Variants in SNTG1 observed in about 807,000 individuals in gnomAD.
The protein encoded by SNTG1 is gamma-1-syntrophin.
Under a neutral mutation model 74.7 loss-of-function variants are expected in SNTG1, and 39 were observed. The observed-to-expected ratio is 0.52, with a 90% CI of 0.40 to 0.68. The LOEUF is 0.68. Among genes scored for constraint, SNTG1 ranks in the 30% least tolerant of loss-of-function variants. SNTG1 has a pLI of 0.00. For synonymous variants in SNTG1, 254 were observed against 217.1 expected (o/e 1.17, Z -1.49); for missense variants, 685 against 609.5 (o/e 1.12, Z -1.30).
At chr8:50,230,624 A>T (rs1200957080) in intron 2 of SNTG1, among the ~76,000 whole-genome samples, 1 of 151,348 alleles carries the variant, frequency 6.6e-6, no homozygotes, top group Non-Finnish European at 1.5e-5. Flanking sequence ...TCTACCCAAC[A>T]TTTAAGAGCA....
intron 17 of SNTG1, among the ~76,000 whole-genome samples, chr8:50,727,805 A>G (rs2095503740): frequency 6.6e-6 from 1 of 152,146 alleles, no homozygotes. Context: ...ATTTATTCCC[A>G]CTGACCATTA....
intron 8 of SNTG1, among the ~76,000 whole-genome samples, chr8:50,500,046 C>A (rs2093937836): frequency 6.6e-6 from 1 of 151,322 alleles, no homozygotes; most frequent in Non-Finnish European, 1.5e-5. Context: ...ATTTATTTGG[C>A]AGGATTCTTT....
chr8:50,427,613 G>C (rs960747364), intron 4 of SNTG1, among the ~76,000 whole-genome samples: 3 of 152,038 alleles, frequency 2.0e-5, no homozygotes, highest in African/African-American at 7.2e-5. Flanking sequence ...CTTTTGTAGA[G>C]ACAGGGTCTC....
At chr8:50,154,442 C>G (rs2082184688) in intron 1 of SNTG1, among the ~76,000 whole-genome samples, 1 of 152,094 alleles carries the variant, frequency 6.6e-6, no homozygotes. Context: ...CTGTCCTACC[C>G]CCACTGTCCA....
intron 2 of SNTG1, among the ~76,000 whole-genome samples, chr8:50,185,788 T>C (rs765718722): frequency 6.6e-6 from 1 of 152,160 alleles, no homozygotes; most frequent in Non-Finnish European, 1.5e-5. Context: ...TTCTATATTA[T>C]ACAATGGAAG....
At chr8:50,074,581 G>A (rs1193734735) in intron 1 of SNTG1, among the ~76,000 whole-genome samples, 1 of 152,146 alleles carries the variant, frequency 6.6e-6, no homozygotes, top group Non-Finnish European at 1.5e-5. Flanking sequence ...GTCGTGATTT[G>A]TGCCACCCCA....
chr8:50,198,901 C>T (rs1399253088), intron 2 of SNTG1, among the ~76,000 whole-genome samples: 1 of 151,734 alleles, frequency 6.6e-6, no homozygotes, highest in Non-Finnish European at 1.5e-5. Flanking sequence ...GAATTAAAGT[C>T]CTACTTCCAG....
chr8:49,923,578 G>A (rs141687337), intron 1 of SNTG1, among the ~76,000 whole-genome samples: 30 of 152,092 alleles, frequency 2.0e-4, no homozygotes, highest in African/African-American at 7.2e-4. Flanking sequence ...TACATGTTAA[G>A]ACATTGAGTC....
At chr8:50,621,842 T>C (rs1320770541) in intron 13 of SNTG1, among the ~76,000 whole-genome samples, 4 of 152,176 alleles carry the variant, frequency 2.6e-5, no homozygotes, top group East Asian at 3.9e-4. Flanking sequence ...TTAGAAATAA[T>C]TAGTCAATAA....
intron 13 of SNTG1, among the ~76,000 whole-genome samples, chr8:50,637,803 G>A (rs879604027): frequency 2.5e-4 from 38 of 151,312 alleles, no homozygotes; most frequent in Non-Finnish European, 3.8e-4. Context: ...ATCTTTATCT[G>A]TATAAATATT....
intron 11 of SNTG1, among the ~76,000 whole-genome samples, chr8:50,546,691 G>A (rs1412162064): frequency 1.3e-5 from 2 of 152,122 alleles, no homozygotes; most frequent in South Asian, 2.1e-4. Flanking sequence ...CTTCATCCAT[G>A]TCCCTACAAA....
chr8:50,655,312 G>T (rs2095173133), intron 13 of SNTG1, among the ~76,000 whole-genome samples: 1 of 151,968 alleles, frequency 6.6e-6, no homozygotes, highest in African/African-American at 2.4e-5. Context: ...TATCTATTAA[G>T]CTTCATTTAC....
intron 1 of SNTG1, among the ~76,000 whole-genome samples, chr8:50,023,462 T>G (rs1280693162): frequency 6.6e-6 from 1 of 152,110 alleles, no homozygotes; most frequent in African/African-American, 2.4e-5. Context: ...ATTGATAACT[T>G]TCCAATCACA....
At chr8:50,201,778 C>A (rs1013753979) in intron 2 of SNTG1, among the ~76,000 whole-genome samples, 1 of 151,976 alleles carries the variant, frequency 6.6e-6, no homozygotes, top group African/African-American at 2.4e-5. Flanking sequence ...TTGTATATAT[C>A]CATTTGTATC....
intron 1 of SNTG1, among the ~76,000 whole-genome samples, chr8:50,047,181 A>T (rs1819162657): frequency 6.6e-6 from 1 of 152,066 alleles, no homozygotes; most frequent in Non-Finnish European, 1.5e-5. Flanking sequence ...TCTACAAAAA[A>T]CACAAATGTT....
chr8:50,583,239 C>T lies in SNTG1; in HGVS notation c.811-7640C>T, dbSNP rs112767994. On this transcript the variant is annotated intron_variant, in intron 12 of 18. Transcript: ENST00000642720. ...CCAACATGGTGAAACCCTGTCTCTACTAAGAATACAAAAATTATCAGGGCA... is the reference window on the plus strand; with the variant it reads ...CCAACATGGTGAAACCCTGTCTCTATTAAGAATACAAAAATTATCAGGGCA... 6.8e-3 allele frequency among the ~76,000 whole-genome samples: 1,026 copies of T among 151,698 alleles called. 7 individuals are homozygous for T. The highest frequency in any genetic ancestry group is 0.017 in the Middle Eastern group (5 of 294).
chr8:50,568,640 A>T (rs2094529565), intron 12 of SNTG1, among the ~76,000 whole-genome samples: 1 of 152,098 alleles, frequency 6.6e-6, no homozygotes, highest in Admixed American at 6.6e-5. Context: ...TCTTCTCTTA[A>T]GAAATATCTA....
At chr8:50,512,137 C>T (rs898225446) in intron 9 of SNTG1, among the ~76,000 whole-genome samples, 4 of 151,880 alleles carry the variant, frequency 2.6e-5, no homozygotes, top group African/African-American at 9.7e-5. Flanking sequence ...TCAGCATTTG[C>T]TTGTCTGTAA....
intron 4 of SNTG1, among the ~76,000 whole-genome samples, chr8:50,411,250 T>C (rs1266745184): frequency 2.0e-5 from 3 of 151,838 alleles, no homozygotes; most frequent in South Asian, 2.1e-4. Flanking sequence ...AGATCGAGGC[T>C]ATCCTGGCTA....
Sources: gnomAD v4.1 joint callset for allele counts (sites outside exome capture counted in the v4.1 genomes callset) on GRCh38, gnomAD v4.1.1 for gene constraint, MANE v1.5 for transcripts, NCBI Gene and HGNC (gene_info 2026-07-23, HGNC 2026-07-21) for gene names.